CDH3: variants seen among roughly 807,000 people sequenced by gnomAD.
CDH3 encodes the protein cadherin 3.
Under a neutral mutation model 82.0 loss-of-function variants are expected in CDH3, and 54 were observed. The observed-to-expected ratio is 0.66, with a 90% CI of 0.53 to 0.83. The LOEUF is 0.83. Ranked by LOEUF, CDH3 falls within the 40% of genes least tolerant of loss-of-function variation. The pLI, the probability that CDH3 is intolerant of heterozygous loss-of-function variation, is 0.00. For synonymous variants in CDH3, 446 were observed against 437.9 expected (o/e 1.02, Z -0.23); for missense variants, 1,054 against 1,084.6 (o/e 0.97, Z 0.40).
chr16:68,652,342 A>G (rs2152090161), intron 2 of CDH3, among the ~76,000 whole-genome samples: 1 of 152,068 alleles, frequency 6.6e-6, no homozygotes, highest in South Asian at 2.1e-4. Flanking sequence ...CTCCCTTCCC[A>G]TTTCCTCATA....
At chr16:68,663,998 A>G (rs982353739) in intron 2 of CDH3, among the ~76,000 whole-genome samples, 1 of 131,780 alleles carries the variant, frequency 7.6e-6, no homozygotes, top group East Asian at 2.3e-4. Context: ...AACTCATTCA[A>G]CTGAGGTAGA....
chr16:68,721,353 C>G (rs1214203020), intron 1 of CDH3, among the ~76,000 whole-genome samples: 3 of 151,570 alleles, frequency 2.0e-5, no homozygotes, highest in Non-Finnish European at 4.4e-5. Flanking sequence ...CCTGCCTCAG[C>G]CTCCCGAGTT....
In CDH3 at chr16:68,691,876, G is replaced by T. The variant is rs779204060; in HGVS notation, c.1952G>T (p.Trp651Leu). 3 of 1,614,078 alleles carry T rather than the reference G, an allele frequency of 1.9e-6. No homozygotes were observed. The highest frequency in any genetic ancestry group is 2.5e-6 in the Non-Finnish European group (3 of 1,180,012). The change falls in exon 13 of 16, where the codon TGG (tryptophan) becomes TTG (leucine). Residue 651 changes from tryptophan to leucine, a missense_variant. Transcript: ENST00000264012. Reference protein sequence around the residue: ...HGHVETCPGPWKGGFILPVLG... With the variant: ...HGHVETCPGPLKGGFILPVLG... ...CATGTCGAAACCTGCCCTGGACCCTGGAAGGGAGGTTTCATCCTCCCTGTG... is the reference window on the plus strand; with the variant it reads ...CATGTCGAAACCTGCCCTGGACCCTTGAAGGGAGGTTTCATCCTCCCTGTG...
chr16:68,682,940 C>T (rs941729516), intron 9 of CDH3, among the ~76,000 whole-genome samples: 16 of 152,016 alleles, frequency 1.1e-4, no homozygotes, highest in Admixed American at 2.6e-4. Flanking sequence ...GGGTATAGGA[C>T]GTGGGTTGGG....
rs746442386 is a variant in CDH3, at chr16:68,695,752, C to A, written c.2134-25C>A. 4 of 1,613,612 alleles carry A rather than the reference C, an allele frequency of 2.5e-6. No individual in the cohort carries two copies. In the South Asian group the frequency reaches 3.3e-5, roughly 13 times the overall value. ...AGTGGGGGACAGGAGTCCTCAGTCA[C>A]CTGCTCTCCTGCATTTCCCCACAGG... On this transcript the variant is annotated intron_variant, in intron 14 of 15. Transcript: ENST00000264012.
At chr16:68,731,007 G>T (rs1364904822), downstream of CDH3, among the ~76,000 whole-genome samples, 72 of 48,570 alleles carry the variant, frequency 1.5e-3, no homozygotes, top group Middle Eastern at 0.024. Flanking sequence ...ACAACAAGAG[G>T]GAAACTCCGT....
At chr16:68,682,742 AGTGTCCAAT>A in intron 9 of CDH3, among the ~76,000 whole-genome samples, 1 of 152,180 alleles carries the variant, frequency 6.6e-6, no homozygotes, top group Non-Finnish European at 1.5e-5. Flanking sequence ...CCCAGACCAC[AGTGTCCAAT>A]GGCTGCCCCG....
At chr16:68,647,598 A>G (rs1597786721) in intron 2 of CDH3, among the ~76,000 whole-genome samples, 1 of 148,810 alleles carries the variant, frequency 6.7e-6, no homozygotes, top group Non-Finnish European at 1.5e-5. Flanking sequence ...GCACCTTGAA[A>G]CTCCCTGCCA....
intron 2 of CDH3, among the ~76,000 whole-genome samples, chr16:68,661,398 T>C (rs1489187599): frequency 6.6e-6 from 1 of 152,206 alleles, no homozygotes; most frequent in Non-Finnish European, 1.5e-5. Flanking sequence ...GGATCTCATA[T>C]GGTTATGGTG....
At chr16:68,708,792 T>G (rs1395174941) in intron 1 of CDH3, among the ~76,000 whole-genome samples, 1 of 152,042 alleles carries the variant, frequency 6.6e-6, no homozygotes, top group East Asian at 1.9e-4. Flanking sequence ...TACAGGCACC[T>G]GCCACCACAC....
chr16:68,653,157 C>G (rs543272405), intron 2 of CDH3, among the ~76,000 whole-genome samples: 15 of 152,268 alleles, frequency 9.9e-5, no homozygotes, highest in African/African-American at 2.2e-4. Context: ...GACCCCACCC[C>G]CTTTCCGGAG....
intron 11 of CDH3, chr16:68,686,256 C>G: frequency 1.6e-6 from 1 of 614,928 alleles, no homozygotes; most frequent in East Asian, 2.8e-5. Context: ...GGGCGAGCGG[C>G]AAGGGCTGGG....
At chr16:68,700,408 C>T (rs1359765669), downstream of CDH3, 4 of 152,384 alleles carry the variant, frequency 2.6e-5, no homozygotes, top group South Asian at 8.3e-4. Context: ...GTTGACAAGC[C>T]CTCCGTGGGA....
chr16:68,678,051 C>T, intron 3 of CDH3, 83 bp from the exon 4 acceptor site: 6 of 1,325,030 alleles, frequency 4.5e-6, no homozygotes, highest in South Asian at 1.2e-5. Context: ...GCCCAGCCAC[C>T]CTTTTAACTC....
intron 2 of CDH3, among the ~76,000 whole-genome samples, chr16:68,664,307 T>G (rs981835695): frequency 6.6e-6 from 1 of 152,194 alleles, no homozygotes; most frequent in Non-Finnish European, 1.5e-5. Context: ...CAGATATAAC[T>G]TTTGGTCAGA....
chr16:68,682,383 C>A lies in CDH3; in HGVS notation c.1078C>A (p.Pro360Thr). The A allele has an allele frequency of 6.2e-7, 1 of 1,614,064 alleles. No individual in the cohort carries two copies. Among genetic ancestry groups the A allele is most frequent in the South Asian group, 1.1e-5 (1 of 91,080 alleles). ...TVTDLDAPNSPAWRATYLIMG... is the reference protein window; with the variant it reads ...TVTDLDAPNSTAWRATYLIMG... ...CACTGATCTGGACGCCCCCAACTCACCAGCGTGGCGTGCCACCTACCTTAT... is the reference window on the plus strand; with the variant it reads ...CACTGATCTGGACGCCCCCAACTCAACAGCGTGGCGTGCCACCTACCTTAT... Residue 360 changes from proline to threonine, a missense_variant, in exon 9 of 16, where the codon CCA becomes ACA. Transcript: ENST00000264012.
chr16:68,678,364 TG>T, intron 4 of CDH3, 87 bp downstream of exon 4: 1 of 1,591,240 alleles, frequency 6.3e-7, no homozygotes, highest in African/African-American at 1.3e-5. Flanking sequence ...CTACTGAATG[TG>T]GGGGCTGAGA....
chr16:68,681,495 C>T (rs181744845), intron 8 of CDH3, among the ~76,000 whole-genome samples: 1 of 152,232 alleles, frequency 6.6e-6, no homozygotes, highest in African/African-American at 2.4e-5. Flanking sequence ...TACATCCTCC[C>T]CCTTCCATCT....
chr16:68,714,781 C>A (rs769345549), intron 1 of CDH3, among the ~76,000 whole-genome samples: 1 of 152,142 alleles, frequency 6.6e-6, no homozygotes, highest in Non-Finnish European at 1.5e-5. Context: ...CTTTGGGAAG[C>A]GGAGGCAGGA....
Sources: allele counts gnomAD v4.1 joint callset (sites outside exome capture counted in the v4.1 genomes callset), GRCh38; gene constraint gnomAD v4.1.1; transcripts MANE v1.5; gene names NCBI Gene and HGNC (gene_info 2026-07-23, HGNC 2026-07-21).